Variants in RSRC1 observed in about 807,000 individuals in gnomAD.
RSRC1 encodes the protein arginine and serine rich coiled-coil 1.
In RSRC1, 39 loss-of-function variants were observed where a neutral mutation model predicts 49.1. The ratio of observed to expected loss-of-function variants is 0.79; its 90% CI spans 0.61 to 1.04. The LOEUF is 1.04. RSRC1 is among the 50% of genes least tolerant of loss of function. The pLI is 0.00. For missense variants in RSRC1, 388 were observed against 402.4 expected (o/e 0.96, Z 0.31); for synonymous variants, 143 against 130.8 (o/e 1.09, Z -0.63).
At chr3:158,442,404 TC>T (rs1352517590) in intron 6 of RSRC1, among the ~76,000 whole-genome samples, 1 of 152,148 alleles carries the variant, frequency 6.6e-6, no homozygotes, top group African/African-American at 2.4e-5. Context: ...TTTAACAATG[TC>T]CCCAACATCT....
intron 5 of RSRC1, among the ~76,000 whole-genome samples, chr3:158,332,657 T>C (rs1007335137): frequency 1.3e-5 from 2 of 152,138 alleles, no homozygotes. Flanking sequence ...TTTGTCATAA[T>C]ATCCATTTTT....
chr3:158,410,810 C>A (rs1012690620), intron 6 of RSRC1, among the ~76,000 whole-genome samples: 1 of 151,864 alleles, frequency 6.6e-6, no homozygotes, highest in Non-Finnish European at 1.5e-5. Flanking sequence ...TATTATAAAG[C>A]AGTATTATAA....
At chr3:158,412,230 G>A (rs561658737) in intron 6 of RSRC1, among the ~76,000 whole-genome samples, 5 of 152,232 alleles carry the variant, frequency 3.3e-5, no homozygotes, top group Admixed American at 3.3e-4. Flanking sequence ...AAATGAGAGA[G>A]AAGGAGAAAA....
chr3:158,261,047 T>G (rs528163962), intron 4 of RSRC1, among the ~76,000 whole-genome samples: 68 of 152,272 alleles, frequency 4.5e-4, no homozygotes, highest in African/African-American at 1.5e-3. Flanking sequence ...CTTACCTGAT[T>G]TGGGCTTTTC....
chr3:158,478,141 G>A (rs1738462502), intron 7 of RSRC1, among the ~76,000 whole-genome samples: 1 of 151,330 alleles, frequency 6.6e-6, no homozygotes, highest in Non-Finnish European at 1.5e-5. Flanking sequence ...GATTATATAG[G>A]ATCTTATCAC....
rs1315158642 is a variant in RSRC1 at position 158,545,331 on chromosome 3, A to T, written c.*1056A>T. Reference sequence around the variant, plus strand: ...ATTTTCTTGCCTCAGCCTCCCGAGTAGCTGGGACTACAGGCACCCGCTAAC... The same window carrying T: ...ATTTTCTTGCCTCAGCCTCCCGAGTTGCTGGGACTACAGGCACCCGCTAAC... On this transcript the variant is annotated 3_prime_UTR_variant, in exon 10 of 10. Coordinates refer to ENST00000611884, the MANE Select transcript of RSRC1 (RefSeq NM_001271838.2). 6.7e-6 allele frequency: 1 copy of T among 150,308 alleles called. No homozygotes were observed. Among genetic ancestry groups the T allele is most frequent in the African/African-American group, 2.5e-5 (1 of 40,648 alleles). The allele number at this position is 150,308 out of a possible 1,614,324, so 9.3% of individuals were successfully genotyped here. A position where few individuals can be genotyped will look rare whatever the true frequency, so the allele number is the denominator to read the frequency against.
chr3:158,408,029 C>T (rs775801721), intron 6 of RSRC1, among the ~76,000 whole-genome samples: 3 of 151,972 alleles, frequency 2.0e-5, no homozygotes, highest in Non-Finnish European at 2.9e-5. Flanking sequence ...CTCTCTGGGT[C>T]GTAGCTTTCT....
At chr3:158,180,860 A>G (rs189626325) in intron 3 of RSRC1, among the ~76,000 whole-genome samples, 3 of 140,156 alleles carry the variant, frequency 2.1e-5, no homozygotes, top group Non-Finnish European at 3.0e-5. Context: ...GCTGGAGTGC[A>G]ATGGCGCAAT....
chr3:158,478,948 CAAAAAAA>C (rs10603914), intron 7 of RSRC1, among the ~76,000 whole-genome samples: 2 of 112,288 alleles, frequency 1.8e-5, no homozygotes, highest in Non-Finnish European at 3.7e-5. Flanking sequence ...GGAGAAAAAG[CAAAAAAA>C]AAAAAAAAAA....
At chr3:158,318,026 CGTGTGTGT>C (rs143213290) in intron 5 of RSRC1, among the ~76,000 whole-genome samples, 1 of 149,308 alleles carries the variant, frequency 6.7e-6, no homozygotes, top group African/African-American at 2.5e-5. Context: ...TTTGTGTGTG[CGTGTGTGT>C]GTGTGTGTGT....
chr3:158,258,208 CTTTTTTTTTTTTTTTT>C, intron 4 of RSRC1, among the ~76,000 whole-genome samples: 2 of 65,776 alleles, frequency 3.0e-5, no homozygotes, highest in South Asian at 1.6e-3. Context: ...TCCTTTTAAC[CTTTTTTTTTTTTTTTT>C]TTTTTTTTTT....
intron 4 of RSRC1, among the ~76,000 whole-genome samples, chr3:158,283,130 A>G (rs907341521): frequency 6.6e-6 from 1 of 152,154 alleles, no homozygotes; most frequent in Non-Finnish European, 1.5e-5. Flanking sequence ...AATTACGTAG[A>G]TGGTATAAGG....
intron 4 of RSRC1, among the ~76,000 whole-genome samples, chr3:158,254,502 G>A (rs1724417036): frequency 6.6e-6 from 1 of 152,032 alleles, no homozygotes; most frequent in Admixed American, 6.5e-5. Flanking sequence ...TGCGATCTCG[G>A]TGCACTGCAA....
rs571109153 is a variant in RSRC1, at chr3:158,399,678, T to C, written c.583+44770T>C. ...CTACATTTGGCTAGTAGCTATCTTATTTGGACAGCAGAGATAATTTAGCAC... is the reference window on the plus strand; with the variant it reads ...CTACATTTGGCTAGTAGCTATCTTACTTGGACAGCAGAGATAATTTAGCAC... On this transcript the variant is annotated intron_variant, in intron 6 of 9. Coordinates refer to ENST00000611884, the MANE Select transcript of RSRC1 (RefSeq NM_001271838.2). Among the ~76,000 whole-genome samples the C allele has an allele frequency of 2.0e-5, 3 of 152,262 alleles. No homozygotes were observed. The South Asian group carries it at 6.2e-4, about 32-fold the overall frequency.
intron 4 of RSRC1, among the ~76,000 whole-genome samples, chr3:158,213,303 A>G (rs1228591774): frequency 6.6e-6 from 1 of 151,946 alleles, no homozygotes; most frequent in Non-Finnish European, 1.5e-5. Flanking sequence ...GTAAGTTGTA[A>G]TGCATTCCAT....
At chr3:158,372,408 T>C (rs1397647752) in intron 6 of RSRC1, among the ~76,000 whole-genome samples, 2 of 151,898 alleles carry the variant, frequency 1.3e-5, no homozygotes, top group Non-Finnish European at 2.9e-5. Flanking sequence ...TGAAAAGATG[T>C]TTTTCATCCA....
intron 6 of RSRC1, among the ~76,000 whole-genome samples, chr3:158,406,800 A>G (rs1168075652): frequency 1.3e-5 from 2 of 152,036 alleles, no homozygotes; most frequent in Admixed American, 6.6e-5. Flanking sequence ...ATTGACTTTG[A>G]TCTGGTTTGG....
At chr3:158,326,180 G>A (rs1263827787) in intron 5 of RSRC1, among the ~76,000 whole-genome samples, 1 of 152,116 alleles carries the variant, frequency 6.6e-6, no homozygotes, top group Non-Finnish European at 1.5e-5. Flanking sequence ...TGCAAACAGG[G>A]ACAATTTGAC....
At chr3:158,536,518 T>A (rs1022314530) in intron 7 of RSRC1, among the ~76,000 whole-genome samples, 4 of 151,536 alleles carry the variant, frequency 2.6e-5, no homozygotes, top group Non-Finnish European at 1.5e-5. Context: ...AATATTTATA[T>A]ATGTAATCAA....
Sources: allele counts gnomAD v4.1 joint callset (sites outside exome capture counted in the v4.1 genomes callset), GRCh38; gene constraint gnomAD v4.1.1; transcripts MANE v1.5; gene names NCBI Gene and HGNC (gene_info 2026-07-23, HGNC 2026-07-21).